SFMBT2: variants seen among roughly 807,000 people sequenced by gnomAD.
SFMBT2 encodes the protein Scm like with four mbt domains 2, also known as scm-like with four MBT domains protein 2.
In SFMBT2, 38 loss-of-function variants were observed where a neutral mutation model predicts 110.1. That is an observed-to-expected ratio of 0.35 (90% CI 0.27 to 0.45). SFMBT2 has a LOEUF of 0.45. Ranked by LOEUF, SFMBT2 falls within the 20% of genes least tolerant of loss-of-function variation. SFMBT2 has a pLI of 1.00. For missense variants in SFMBT2, 1,011 were observed against 1,094.9 expected (o/e 0.92, Z 1.08); for synonymous variants, 425 against 425.4 (o/e 1.00, Z 0.01).
intron 4 of SFMBT2, among the ~76,000 whole-genome samples, chr10:7,309,864 AAGACCAAAAGACCTAAATATGCCCT>A (rs1164966136): frequency 1.3e-5 from 2 of 152,176 alleles, no homozygotes; most frequent in Non-Finnish European, 2.9e-5. Context: ...AAAACCAGTA[AAGACCAAAAGACCTAAATATGCCCT>A]TAGTAAGCCC....
chr10:7,178,981 G>C (rs1263442284), intron 16 of SFMBT2, among the ~76,000 whole-genome samples: 1 of 151,872 alleles, frequency 6.6e-6, no homozygotes, highest in Non-Finnish European at 1.5e-5. Flanking sequence ...AGCTTTTTAG[G>C]AATGTCTTTC....
At chr10:7,259,204 T>C (rs1841122716) in intron 7 of SFMBT2, among the ~76,000 whole-genome samples, 1 of 152,170 alleles carries the variant, frequency 6.6e-6, no homozygotes, top group African/African-American at 2.4e-5. Context: ...TGAGCTTCTG[T>C]TTTGCCCTTC....
intron 20 of SFMBT2, among the ~76,000 whole-genome samples, chr10:7,169,578 T>C (rs1262149190): frequency 6.6e-6 from 1 of 152,146 alleles, no homozygotes; most frequent in Non-Finnish European, 1.5e-5. Flanking sequence ...AAACCTATCT[T>C]TAACATTATA....
chr10:7,282,213 C>T (rs541744123), intron 6 of SFMBT2, among the ~76,000 whole-genome samples: 1 of 152,136 alleles, frequency 6.6e-6, no homozygotes. Context: ...TATAAAGACC[C>T]CAAATTATCT....
At chr10:7,388,877 T>C (rs1430911808) in intron 1 of SFMBT2, among the ~76,000 whole-genome samples, 3 of 151,424 alleles carry the variant, frequency 2.0e-5, no homozygotes, top group Non-Finnish European at 4.4e-5. Flanking sequence ...AATGATCAGG[T>C]TTGTTTCAGA....
Position 7,211,901 on chromosome 10 carries a change from G to A in SFMBT2, c.1331-5973C>T, listed in dbSNP as rs74517182. Reference sequence around the variant, plus strand: ...CTAAACATATGAGGTGGGCTCAGACGGGCTTCTCTGAACCACACCATTGTT... The same window carrying A: ...CTAAACATATGAGGTGGGCTCAGACAGGCTTCTCTGAACCACACCATTGTT... On this transcript the variant is annotated intron_variant, in intron 11 of 20. Transcript: ENST00000397167. 8.7e-3 allele frequency among the ~76,000 whole-genome samples: 1,323 copies of A among 152,204 alleles called. 18 individuals are homozygous for A. The highest frequency in any genetic ancestry group is 0.027 in the Middle Eastern group (8 of 294).
Position 7,323,080 on chromosome 10 carries a change from T to A in SFMBT2, c.437-37126A>T, listed in dbSNP as rs955102523. On this transcript the variant is annotated intron_variant, in intron 4 of 20. Transcript: ENST00000397167. ...AAAGCAAATTGAAAAATTATTTATA[T>A]TGATACCATTTATGGAAAGTCTGAA... Among the ~76,000 whole-genome samples the A allele has an allele frequency of 3.9e-5, 6 of 152,214 alleles. No individual in the cohort carries two copies. In the East Asian group the frequency reaches 1.2e-3, roughly 29 times the overall value.
At chr10:7,313,223 AAATAT>A (rs1842904991) in intron 4 of SFMBT2, among the ~76,000 whole-genome samples, 1 of 150,702 alleles carries the variant, frequency 6.6e-6, no homozygotes, top group African/African-American at 2.4e-5. Context: ...TTTATATAAT[AAATAT>A]AATACAATTG....
At chr10:7,353,561 G>A (rs1214806220) in intron 4 of SFMBT2, among the ~76,000 whole-genome samples, 1 of 151,212 alleles carries the variant, frequency 6.6e-6, no homozygotes, top group African/African-American at 2.4e-5. Flanking sequence ...TGTGAAAACT[G>A]GTCCTCAAGC....
intron 1 of SFMBT2, among the ~76,000 whole-genome samples, chr10:7,409,551 C>T (rs1266210033): frequency 3.9e-5 from 6 of 152,108 alleles, no homozygotes; most frequent in Non-Finnish European, 8.8e-5. Context: ...GCACACACGA[C>T]AGTTGCGTTT....
chr10:7,210,495 C>T (rs1299775217), intron 11 of SFMBT2, among the ~76,000 whole-genome samples: 3 of 152,118 alleles, frequency 2.0e-5, no homozygotes. Context: ...GGAAGAAAAT[C>T]GGAACAACTG....
At position 7,183,824 on chromosome 10, in the gene SFMBT2, T is replaced by C. The variant is rs138897023; in HGVS notation, c.1808+4800A>G. Among the ~76,000 whole-genome samples, 31 of 152,346 alleles carry C rather than the reference T, an allele frequency of 2.0e-4. No individual in the cohort carries two copies. The East Asian group carries it at 6.0e-3, about 29-fold the overall frequency. ...TATTTGTTCTTCTGACGAAAGCCTTTGCTCCCAGCTCCCTTTCCCGTACTG... is the reference window on the plus strand; with the variant it reads ...TATTTGTTCTTCTGACGAAAGCCTTCGCTCCCAGCTCCCTTTCCCGTACTG... On this transcript the variant is annotated intron_variant, in intron 16 of 20. Coordinates refer to ENST00000397167, the MANE Select transcript of SFMBT2 (RefSeq NM_001387889.1).
intron 10 of SFMBT2, among the ~76,000 whole-genome samples, chr10:7,222,394 A>G (rs951933934): frequency 6.6e-6 from 1 of 152,218 alleles, no homozygotes; most frequent in Non-Finnish European, 1.5e-5. Context: ...AGTTTAAGCA[A>G]CAAAAATTTA....
At chr10:7,370,438 G>A (rs1199353192) in intron 2 of SFMBT2, 63 bp from the exon 3 acceptor site, 1 of 1,332,250 alleles carries the variant, frequency 7.5e-7, no homozygotes, top group Non-Finnish European at 1.1e-6. Context: ...GTGCTGGCCT[G>A]CAACTGAGAC....
chr10:7,161,092 G>A lies in SFMBT2; in HGVS notation c.*2678C>T, dbSNP rs1837539276. On this transcript the variant is annotated 3_prime_UTR_variant, in exon 21 of 21. Transcript: ENST00000397167. Reference sequence around the variant, plus strand: ...GAAACGCTGAAGTTAAACTGTCAGGGTGAAGGATACGGAGAGTCTTGGGCG... The same window carrying A: ...GAAACGCTGAAGTTAAACTGTCAGGATGAAGGATACGGAGAGTCTTGGGCG... 1 of 152,258 alleles carries A rather than the reference G, an allele frequency of 6.6e-6. No homozygotes were observed. Among genetic ancestry groups the A allele is most frequent in the African/African-American group, 2.4e-5 (1 of 41,456 alleles). The allele number at this position is 152,258 out of a possible 1,614,324, so 9.4% of individuals were successfully genotyped here. A position where few individuals can be genotyped will look rare whatever the true frequency, so the allele number is the denominator to read the frequency against.
chr10:7,187,772 G>A (rs1355254873), intron 16 of SFMBT2, among the ~76,000 whole-genome samples: 10 of 152,116 alleles, frequency 6.6e-5, no homozygotes, highest in Non-Finnish European at 2.9e-5. Flanking sequence ...AATAGGGCAG[G>A]TGCCTTCTCT....
At chr10:7,410,535 T>G (rs774618265) in intron 1 of SFMBT2, among the ~76,000 whole-genome samples, 36 of 152,026 alleles carry the variant, frequency 2.4e-4, no homozygotes, top group Non-Finnish European at 4.4e-4. Context: ...CCCGCACGGC[T>G]CGGCTTTTCC....
At chr10:7,326,911 G>T (rs10905152) in intron 4 of SFMBT2, among the ~76,000 whole-genome samples, 33,045 of 151,992 alleles carry the variant, frequency 0.22, 3,997 homozygotes, top group African/African-American at 0.31. Context: ...GGGGAAAGGG[G>T]TTGCACAGTA....
At chr10:7,334,467 G>C (rs1843657180) in intron 4 of SFMBT2, among the ~76,000 whole-genome samples, 1 of 152,284 alleles carries the variant, frequency 6.6e-6, no homozygotes, top group East Asian at 1.9e-4. Flanking sequence ...GAACAATACA[G>C]GAAACGAGAA....
Sources: allele counts gnomAD v4.1 joint callset (sites outside exome capture counted in the v4.1 genomes callset), GRCh38; gene constraint gnomAD v4.1.1; transcripts MANE v1.5; gene names NCBI Gene and HGNC (gene_info 2026-07-23, HGNC 2026-07-21).